The following PTPN14 variants were observed in gnomAD, a reference collection of about 807,000 sequenced individuals.
The protein encoded by PTPN14 is tyrosine-protein phosphatase non-receptor type 14.
Under a neutral mutation model 126.8 loss-of-function variants are expected in PTPN14, and 53 were observed. That is an observed-to-expected ratio of 0.42 (90% CI 0.34 to 0.53). PTPN14 has a LOEUF of 0.53. PTPN14 is among the 20% of genes least tolerant of loss of function. PTPN14 has a pLI of 0.08. For synonymous variants in PTPN14, 630 were observed against 599.3 expected (o/e 1.05, Z -0.75); for missense variants, 1,257 against 1,552.9 (o/e 0.81, Z 3.20).
intron 17 of PTPN14, among the ~76,000 whole-genome samples, chr1:214,368,142 T>C (rs891428346): frequency 1.3e-5 from 2 of 152,180 alleles, no homozygotes; most frequent in African/African-American, 2.4e-5. Context: ...TAGGGAAATA[T>C]AGGTCTTGTG....
intron 3 of PTPN14, among the ~76,000 whole-genome samples, chr1:214,445,375 C>G (rs977939290): frequency 4.6e-5 from 7 of 152,156 alleles, no homozygotes; most frequent in African/African-American, 1.7e-4. Context: ...TCTGTCAATT[C>G]TGTAGAGTGC....
chr1:214,479,195 A>T (rs1660929939), intron 1 of PTPN14, among the ~76,000 whole-genome samples: 2 of 152,108 alleles, frequency 1.3e-5, no homozygotes, highest in Non-Finnish European at 2.9e-5. Flanking sequence ...AAAAATTTAA[A>T]AATTAACTGA....
intron 1 of PTPN14, among the ~76,000 whole-genome samples, chr1:214,542,648 T>C (rs1571660220): frequency 1.3e-5 from 2 of 151,984 alleles, no homozygotes; most frequent in South Asian, 2.1e-4. Flanking sequence ...GAGAAAGTGG[T>C]ATTGAAGGAG....
chr1:214,537,472 T>C (rs1247438011), intron 1 of PTPN14, among the ~76,000 whole-genome samples: 1 of 152,242 alleles, frequency 6.6e-6, no homozygotes, highest in Non-Finnish European at 1.5e-5. Flanking sequence ...TAGGATCTTG[T>C]GCAAGTTACT....
chr1:214,439,342 G>C (rs1659987834), intron 3 of PTPN14, among the ~76,000 whole-genome samples: 1 of 152,084 alleles, frequency 6.6e-6, no homozygotes, highest in African/African-American at 2.4e-5. Context: ...TCTCACATTA[G>C]TCACTGTCAT....
chr1:214,550,317 T>G lies in PTPN14; in HGVS notation c.-155+866A>C, dbSNP rs1399089693. ...ACTGCCCGCACCTGCAGTCTAGAGA[T>G]TCCTCACCTTCACAAAGAACCTGCG... is the stretch of plus-strand genomic sequence containing the variant. On this transcript the variant is annotated intron_variant, in intron 1 of 18. Transcript: ENST00000366956. Among the ~76,000 whole-genome samples, 3 of 152,182 alleles carry G rather than the reference T, an allele frequency of 2.0e-5. No individual in the cohort carries two copies. In the East Asian group the frequency reaches 5.8e-4, roughly 29 times the overall value.
chr1:214,358,053 G>A lies in PTPN14; in HGVS notation c.3436-3C>T. On this transcript the variant is annotated splice_polypyrimidine_tract_variant and splice_region_variant and intron_variant, in intron 18 of 18. Transcript: ENST00000366956. ...AGCATCATGGGCACTTCCACCTTCTGCAAGAAAAGAGAGAAAGCACAAGGT... is the reference window on the plus strand; with the variant it reads ...AGCATCATGGGCACTTCCACCTTCTACAAGAAAAGAGAGAAAGCACAAGGT... 1.2e-6 allele frequency: 2 copies of A among 1,612,546 alleles called. No individual in the cohort carries two copies. The highest frequency in any genetic ancestry group is 2.2e-5 in the South Asian group (2 of 90,846).
Position 214,450,133 on chromosome 1 carries a change from A to AAAATAAATAAATAAATAAAT in PTPN14, c.344+1652_344+1671dup, listed in dbSNP as rs57585964. ...AAGTGACAGAGCAAGACTCTATCTCAAAATAAATAAATAAATAAATAAATA... is the reference window on the plus strand; with the variant it reads ...AAGTGACAGAGCAAGACTCTATCTCAAAATAAATAAATAAATAAATAAATAAATAAATAAATAAATAAATA... On this transcript the variant is annotated intron_variant, in intron 3 of 18. Coordinates refer to ENST00000366956, the MANE Select transcript of PTPN14 (RefSeq NM_005401.5). Among the ~76,000 whole-genome samples the AAAATAAATAAATAAATAAAT allele has an allele frequency of 4.8e-3, 681 of 140,538 alleles. 2 individuals are homozygous for AAAATAAATAAATAAATAAAT. The highest frequency in any genetic ancestry group is 7.0e-3 in the African/African-American group (260 of 37,248). The allele number at this position is 140,538 out of a possible 152,430, so 92.2% of individuals were successfully genotyped here. A position where few individuals can be genotyped will look rare whatever the true frequency, so the allele number is the denominator to read the frequency against.
At chr1:214,406,064 G>A (rs970283750) in intron 5 of PTPN14, among the ~76,000 whole-genome samples, 3 of 152,156 alleles carry the variant, frequency 2.0e-5, no homozygotes, top group East Asian at 1.9e-4. Context: ...TTCACAACTC[G>A]GATAAGGCTT....
At chr1:214,503,781 A>T (rs532611081) in intron 1 of PTPN14, among the ~76,000 whole-genome samples, 2 of 152,372 alleles carry the variant, frequency 1.3e-5, no homozygotes, top group African/African-American at 4.8e-5. Flanking sequence ...CTGCATATAA[A>T]GTGTTTGTAT....
Position 214,384,576 on chromosome 1 carries a change from G to T in PTPN14, c.1279C>A (p.Pro427Thr), listed in dbSNP as rs1185303382. The T allele has an allele frequency of 6.2e-7, 1 of 1,614,140 alleles. No homozygotes were observed. The highest frequency in any genetic ancestry group is 1.7e-5 in the Admixed American group (1 of 60,018). ...ATGATCGCGCTGTGCCGGTGGCTCG[G>T]GATGTAGTCGGCCCGCATGATGTCA... ...GSDIMRADYI[P>T]SHRHSAIIVP... Residue 427 changes from proline to threonine, a missense_variant, in exon 13 of 19, where the codon CCG becomes ACG. Coordinates refer to ENST00000366956, the MANE Select transcript of PTPN14 (RefSeq NM_005401.5). The surrounding 1 kb of genome is among the most constrained non-coding windows in gnomAD (Gnocchi z 5.3).
At chr1:214,486,993 A>G (rs1449256409) in intron 1 of PTPN14, among the ~76,000 whole-genome samples, 2 of 149,692 alleles carry the variant, frequency 1.3e-5, no homozygotes, top group Admixed American at 6.7e-5. Context: ...CAAAGCATCT[A>G]TTTTTTTTTT....
chr1:214,511,238 G>A (rs1461172305), intron 1 of PTPN14, among the ~76,000 whole-genome samples: 1 of 151,750 alleles, frequency 6.6e-6, no homozygotes, highest in Non-Finnish European at 1.5e-5. Flanking sequence ...GCCTCTCTGT[G>A]CAAAAAAGCA....
intron 4 of PTPN14, among the ~76,000 whole-genome samples, chr1:214,413,251 C>T (rs1339074600): frequency 6.6e-6 from 1 of 152,204 alleles, no homozygotes; most frequent in Non-Finnish European, 1.5e-5. Flanking sequence ...ATTATTTCAA[C>T]AATGCTACCT....
intron 3 of PTPN14, among the ~76,000 whole-genome samples, chr1:214,436,801 AAAAAAAAAAAAAAGGTT>A (rs1659929461): frequency 7.6e-5 from 1 of 13,192 alleles, no homozygotes; most frequent in African/African-American, 2.6e-4. Flanking sequence ...AAAAAAAAAA[AAAAAAAAAAAAAAGGTT>A]TGTCAGAATA....
At chr1:214,386,815 A>C in intron 12 of PTPN14, 29 bp downstream of exon 12, 1 of 1,536,618 alleles carries the variant, frequency 6.5e-7, no homozygotes. Flanking sequence ...TTTTTGTCTT[A>C]AGAAGGGAGA....
At position 214,353,148 on chromosome 1, in the gene PTPN14, G is replaced by A. The variant is rs1242525663; in HGVS notation, c.*4774C>T. On this transcript the variant is annotated 3_prime_UTR_variant, in exon 19 of 19. Coordinates refer to ENST00000366956, the MANE Select transcript of PTPN14 (RefSeq NM_005401.5). ...TCTTCCCCAAACGAAAATCAGTAACGAAATAGTTGTCCTTTACCAAAGGGG... is the reference window on the plus strand; with the variant it reads ...TCTTCCCCAAACGAAAATCAGTAACAAAATAGTTGTCCTTTACCAAAGGGG... 1 of 152,060 alleles carries A rather than the reference G, an allele frequency of 6.6e-6. No individual in the cohort carries two copies. The highest frequency in any genetic ancestry group is 1.9e-4 in the East Asian group (1 of 5,192). The allele number at this position is 152,060 out of a possible 1,614,324, so 9.4% of individuals were successfully genotyped here. A position where few individuals can be genotyped will look rare whatever the true frequency, so the allele number is the denominator to read the frequency against.
intron 9 of PTPN14, 108 bp downstream of exon 9, chr1:214,394,791 G>A: frequency 5.2e-6 from 5 of 954,640 alleles, no homozygotes; most frequent in Non-Finnish European, 8.5e-6. Context: ...CTCTTCAAGG[G>A]AGTATTTATT....
intron 3 of PTPN14, among the ~76,000 whole-genome samples, chr1:214,449,005 A>ATTTTTTTTTTTTTTTT (rs1229828407): frequency 2.0e-5 from 2 of 97,692 alleles, no homozygotes; most frequent in East Asian, 3.2e-4. Context: ...GTAAGACTTA[A>ATTTTTTTTTTTTTTTT]TTTTTCTTTT....
Sources: allele counts gnomAD v4.1 joint callset (sites outside exome capture counted in the v4.1 genomes callset), GRCh38; gene constraint gnomAD v4.1.1; non-coding constraint Gnocchi (gnomAD v3.1); transcripts MANE v1.5; gene names NCBI Gene and HGNC (gene_info 2026-07-23, HGNC 2026-07-21).